MOSMO: variants seen among roughly 807,000 people sequenced by gnomAD.
The protein encoded by MOSMO is modulator of smoothened protein.
Under a neutral mutation model 18.4 loss-of-function variants are expected in MOSMO, and 5 were observed. That is an observed-to-expected ratio of 0.27 (90% confidence interval 0.14 to 0.57). The LOEUF (loss-of-function observed/expected upper bound fraction) is 0.57, where lower values mean the gene tolerates loss of function less well. MOSMO is among the 20% of genes least tolerant of loss of function. The pLI is 0.92. For synonymous variants in MOSMO, 82 were observed against 82.3 expected (o/e 1.00, Z 0.02); for missense variants, 138 against 211.8 (o/e 0.65, Z 2.16).
At chr16:22,029,105 C>T (rs1457564363) in intron 1 of MOSMO, among the ~76,000 whole-genome samples, 2 of 152,090 alleles carry the variant, frequency 1.3e-5, no homozygotes, top group African/African-American at 2.4e-5. Context: ...CTCCTGACCT[C>T]GTTATCTGCC....
chr16:22,042,976 C>T (rs760616557), intron 1 of MOSMO, among the ~76,000 whole-genome samples: 1 of 152,182 alleles, frequency 6.6e-6, no homozygotes, highest in Non-Finnish European at 1.5e-5. Context: ...TTATTCCATA[C>T]CCCATACTCC....
At chr16:22,087,843 A>G (rs921306443), downstream of MOSMO, among the ~76,000 whole-genome samples, 1 of 152,146 alleles carries the variant, frequency 6.6e-6, no homozygotes, top group Non-Finnish European at 1.5e-5. Flanking sequence ...CCGGGACACA[A>G]ATTTTCTTTT....
At chr16:22,092,545 T>C in the MOSMO span, 5 of 1,504,862 alleles carry the variant, frequency 3.3e-6, no homozygotes, top group Non-Finnish European at 1.8e-6. Context: ...GCTGCTGAGT[T>C]GCTTGGAGGA....
At chr16:22,063,042 T>TG (rs34655290) in intron 1 of MOSMO, among the ~76,000 whole-genome samples, 1 of 152,038 alleles carries the variant, frequency 6.6e-6, no homozygotes, top group African/African-American at 2.4e-5. Context: ...ATAGTAGAGG[T>TG]GGGGTTTCAC....
intron 1 of MOSMO, among the ~76,000 whole-genome samples, chr16:22,034,172 A>G (rs192835635): frequency 1.6e-3 from 237 of 152,332 alleles, no homozygotes; most frequent in Non-Finnish European, 2.4e-3. Context: ...TATTGCTGTC[A>G]TTCATTTTAC....
chr16:22,027,317 A>G (rs578192980), intron 1 of MOSMO, among the ~76,000 whole-genome samples: 2 of 152,352 alleles, frequency 1.3e-5, no homozygotes, highest in South Asian at 4.1e-4. Context: ...TAATGTTTCT[A>G]AAGTTTTAAC....
intron 1 of MOSMO, among the ~76,000 whole-genome samples, chr16:22,031,557 C>T (rs1295282118): frequency 1.3e-5 from 2 of 152,198 alleles, no homozygotes; most frequent in East Asian, 3.8e-4. Context: ...AACTACTAAT[C>T]TACTTTCTGT....
Position 22,026,312 on chromosome 16 carries a change from G to A in MOSMO, c.106+17905G>A, listed in dbSNP as rs375162062. Reference sequence around the variant, plus strand: ...TGGCTCACTGCAACCTCCACCTTCCGGGTTGCAGTGATCCTCCTGACTCAG... The same window carrying A: ...TGGCTCACTGCAACCTCCACCTTCCAGGTTGCAGTGATCCTCCTGACTCAG... On this transcript the variant is annotated intron_variant, in intron 1 of 2. Transcript: ENST00000542527. 2.5e-4 allele frequency among the ~76,000 whole-genome samples: 37 copies of A among 149,764 alleles called. 1 individual carries two copies. In the East Asian group the frequency reaches 4.0e-3, roughly 16 times the overall value.
chr16:22,088,202 A>T (rs906990535), downstream of MOSMO, among the ~76,000 whole-genome samples: 29 of 151,636 alleles, frequency 1.9e-4, no homozygotes, highest in South Asian at 2.1e-4. Context: ...TAAAAAAAAA[A>T]TTTTTTTTTA....
At position 22,083,714 on chromosome 16, in the gene MOSMO, A is replaced by G; in HGVS notation, c.*2834A>G. On this transcript the variant is annotated 3_prime_UTR_variant, in exon 3 of 3. Transcript: ENST00000542527. ...TTCTCATACCTAAGAATATCACTGTAAAATCTGCTGAAAACTATTTTTAGG... is the reference window on the plus strand; with the variant it reads ...TTCTCATACCTAAGAATATCACTGTGAAATCTGCTGAAAACTATTTTTAGG... The G allele has an allele frequency of 2.2e-6, 1 of 449,502 alleles. No homozygotes were observed. The allele number at this position is 449,502 out of a possible 1,614,324, so 27.8% of individuals were successfully genotyped here. A position where few individuals can be genotyped will look rare whatever the true frequency, so the allele number is the denominator to read the frequency against.
downstream of MOSMO, among the ~76,000 whole-genome samples, chr16:22,086,639 G>T (rs534663699): frequency 6.6e-6 from 1 of 152,104 alleles, no homozygotes; most frequent in African/African-American, 2.4e-5. Context: ...TGTAGAATGG[G>T]ACTAATAATA....
chr16:22,046,397 C>T (rs1249780148), intron 1 of MOSMO, among the ~76,000 whole-genome samples: 2 of 152,114 alleles, frequency 1.3e-5, no homozygotes, highest in Non-Finnish European at 2.9e-5. Flanking sequence ...GGTCACATTT[C>T]ATCAACTGAT....
intron 1 of MOSMO, among the ~76,000 whole-genome samples, chr16:22,021,340 T>G (rs548141211): frequency 2.0e-5 from 3 of 152,298 alleles, no homozygotes; most frequent in South Asian, 2.1e-4. Flanking sequence ...TTCCCATGGT[T>G]GTTTTGTTTG....
chr16:22,050,887 G>GAAAAAA (rs34532029), intron 1 of MOSMO, among the ~76,000 whole-genome samples: 1 of 70,488 alleles, frequency 1.4e-5, no homozygotes. Flanking sequence ...TGTCTCTTAA[G>GAAAAAA]AAAAAAAAAA....
In MOSMO at chr16:22,058,290, A is replaced by G. The variant is rs1256633673; in HGVS notation, c.107-17197A>G. 7.9e-5 allele frequency among the ~76,000 whole-genome samples: 12 copies of G among 152,022 alleles called. No individual in the cohort carries two copies. In the South Asian group the frequency reaches 2.1e-3, roughly 26 times the overall value. On this transcript the variant is annotated intron_variant, in intron 1 of 2. Transcript: ENST00000542527. ...AAAATACAAAAATTAGCCGGGCGTGATGGCGTGCTCCTGTAATCCCAGCTA... is the reference window on the plus strand; with the variant it reads ...AAAATACAAAAATTAGCCGGGCGTGGTGGCGTGCTCCTGTAATCCCAGCTA...
chr16:22,057,439 T>A (rs1377649593), intron 1 of MOSMO, among the ~76,000 whole-genome samples: 1 of 152,218 alleles, frequency 6.6e-6, no homozygotes. Context: ...CTGAACACCT[T>A]CCATTAGGCT....
chr16:22,091,794 T>A (rs935803092), downstream of MOSMO, among the ~76,000 whole-genome samples: 1 of 152,210 alleles, frequency 6.6e-6, no homozygotes, highest in African/African-American at 2.4e-5. Flanking sequence ...TAAGTACAGA[T>A]CCTTTAGCGA....
intron 1 of MOSMO, among the ~76,000 whole-genome samples, chr16:22,017,321 G>A (rs993757782): frequency 2.0e-5 from 3 of 152,248 alleles, no homozygotes; most frequent in East Asian, 1.9e-4. Context: ...TAGGTTGTAC[G>A]GTGACAGCAG....
At chr16:22,019,865 T>G (rs1899717089) in intron 1 of MOSMO, among the ~76,000 whole-genome samples, 1 of 152,212 alleles carries the variant, frequency 6.6e-6, no homozygotes, top group Admixed American at 6.5e-5. Flanking sequence ...CTTAAATTGC[T>G]ACATATCAAA....
Sources: allele counts gnomAD v4.1 joint callset (sites outside exome capture counted in the v4.1 genomes callset), GRCh38; gene constraint gnomAD v4.1.1; transcripts MANE v1.5; gene names NCBI Gene and HGNC (gene_info 2026-07-23, HGNC 2026-07-21).